The following STX11 variants were observed in gnomAD, a reference collection of about 807,000 sequenced individuals.
STX11 encodes the protein syntaxin 11.
Under a neutral mutation model 19.9 loss-of-function variants are expected in STX11, and 21 were observed. The observed-to-expected ratio is 1.06, with a 90% CI of 0.75 to 1.52. The LOEUF is 1.52. Among genes scored for constraint, STX11 ranks in the 40% most tolerant of loss-of-function variants. The probability of loss-of-function intolerance (pLI) is 0.00; values close to 1 mark genes in which losing one functional copy is unlikely to be tolerated. For synonymous variants in STX11, 193 were observed against 174.4 expected (o/e 1.11, Z -0.84); for missense variants, 438 against 405.9 (o/e 1.08, Z -0.68).
chr6:144,153,221 T>C lies in STX11; in HGVS notation c.-6+2518T>C, dbSNP rs1477348888. Among the ~76,000 whole-genome samples the C allele has an allele frequency of 6.6e-6, 1 of 152,200 alleles. No homozygotes were observed. The highest frequency in any genetic ancestry group is 1.5e-5 in the Non-Finnish European group (1 of 68,024). ...TTAATTTCCAAACTTTATTCCTCCT[T>C]TGAGAGCCCTAAAGTTACTTTTTCT... On this transcript the variant is annotated intron_variant, in intron 1 of 1. Coordinates refer to ENST00000367568, the MANE Select transcript of STX11 (RefSeq NM_003764.4). The surrounding 1 kb of genome is among the most constrained non-coding windows in gnomAD (Gnocchi z 5.0).
intron 1 of STX11, among the ~76,000 whole-genome samples, chr6:144,161,805 A>T (rs568285293): frequency 6.6e-6 from 1 of 152,190 alleles, no homozygotes; most frequent in Non-Finnish European, 1.5e-5. Flanking sequence ...TTTCATTCGT[A>T]GGATGTTTTC....
chr6:144,174,896 G>T lies in STX11; in HGVS notation c.-5-11727G>T, dbSNP rs1353612378. ...ATCTGTAATTACAGCACTTTGGGAGGTTGAGGCAGAGGGGATCACTTGTGC... is the reference window on the plus strand; with the variant it reads ...ATCTGTAATTACAGCACTTTGGGAGTTTGAGGCAGAGGGGATCACTTGTGC... On this transcript the variant is annotated intron_variant, in intron 1 of 1. Coordinates refer to ENST00000367568, the MANE Select transcript of STX11 (RefSeq NM_003764.4). This position sits in a 1 kb window ranked among gnomAD's most constrained non-coding sequence, Gnocchi z 5.3. Among the ~76,000 whole-genome samples, 2 of 152,142 alleles carry T rather than the reference G, an allele frequency of 1.3e-5. No homozygotes were observed. The highest frequency in any genetic ancestry group is 3.9e-4 in the East Asian group (2 of 5,188).
At position 144,156,004 on chromosome 6, in the gene STX11, T is replaced by C. The variant is rs5880583; in HGVS notation, c.-6+5301T>C. 7.2e-3 allele frequency among the ~76,000 whole-genome samples: 726 copies of C among 101,530 alleles called. 22 individuals are homozygous for C. Among genetic ancestry groups the C allele is most frequent in the African/African-American group, 0.031 (622 of 20,002 alleles). The allele number at this position is 101,530 out of a possible 152,430, so 66.6% of individuals were successfully genotyped here. On this transcript the variant is annotated intron_variant, in intron 1 of 1. Transcript: ENST00000367568. ...TTTCTTTCTTTCTTTCTTTCTTTCTTTCTTTCTTTCTCTCTTTCTCTCCTT... is the reference window on the plus strand; with the variant it reads ...TTTCTTTCTTTCTTTCTTTCTTTCTCTCTTTCTTTCTCTCTTTCTCTCCTT...
chr6:144,142,491 A>C, the STX11 span, among the ~76,000 whole-genome samples: 13 of 152,324 alleles, frequency 8.5e-5, 1 homozygote, highest in East Asian at 2.5e-3. Flanking sequence ...AAATATTTAA[A>C]ACTTTAACAA....
chr6:144,148,842 G>A (rs1314886345), upstream of STX11, among the ~76,000 whole-genome samples: 1 of 152,170 alleles, frequency 6.6e-6, no homozygotes, highest in Non-Finnish European at 1.5e-5. Context: ...CAATCCTCTC[G>A]CTTCAGCCTC....
At chr6:144,156,008 TTCTTTCTC>T (rs1801144062) in intron 1 of STX11, among the ~76,000 whole-genome samples, 21 of 94,836 alleles carry the variant, frequency 2.2e-4, no homozygotes, top group South Asian at 9.2e-4. Flanking sequence ...CTTTCTTTCT[TTCTTTCTC>T]TCTTTCTCTC....
rs1212222997 is a variant in STX11 at position 144,175,497 on chromosome 6, G to A, written c.-5-11126G>A. Among the ~76,000 whole-genome samples the A allele has an allele frequency of 6.6e-6, 1 of 151,996 alleles. No individual in the cohort carries two copies. Among genetic ancestry groups the A allele is most frequent in the East Asian group, 1.9e-4 (1 of 5,196 alleles). ...GATTTTTGTATTTTCAGTAGAGATG[G>A]GGTTTCACCATGTTGACCAGGCTGG... is the stretch of plus-strand genomic sequence containing the variant. On this transcript the variant is annotated intron_variant, in intron 1 of 1. Coordinates refer to ENST00000367568, the MANE Select transcript of STX11 (RefSeq NM_003764.4). This position sits in a 1 kb window ranked among gnomAD's most constrained non-coding sequence, Gnocchi z 5.1.
At chr6:144,163,159 A>C (rs1801386321) in intron 1 of STX11, among the ~76,000 whole-genome samples, 1 of 152,244 alleles carries the variant, frequency 6.6e-6, no homozygotes, top group African/African-American at 2.4e-5. Context: ...AACCTCTGTC[A>C]GATAGTCGAT....
chr6:144,159,923 C>G lies in STX11; in HGVS notation c.-6+9220C>G, dbSNP rs1801290380. Among the ~76,000 whole-genome samples, 3 of 152,100 alleles carry G rather than the reference C, an allele frequency of 2.0e-5. No individual in the cohort carries two copies. Among genetic ancestry groups the G allele is most frequent in the Admixed American group, 2.0e-4 (3 of 15,258 alleles). On this transcript the variant is annotated intron_variant, in intron 1 of 1. Transcript: ENST00000367568. The surrounding 1 kb of genome is among the most constrained non-coding windows in gnomAD (Gnocchi z 4.3). ...ATGCCCTGGGTGAAGAGGCCACAACCCCAGTGTTGCAATTTGCAACCTCCA... is the reference window on the plus strand; with the variant it reads ...ATGCCCTGGGTGAAGAGGCCACAACGCCAGTGTTGCAATTTGCAACCTCCA...
rs6900641 is a variant in STX11 at position 144,162,370 on chromosome 6, A to T, written c.-6+11667A>T. ...CAATTATCATTTATCCATTTGCTTC[A>T]TAATTTCCAACATTGTGTTGCTGTT... On this transcript the variant is annotated intron_variant, in intron 1 of 1. Transcript: ENST00000367568. The surrounding 1 kb of genome is among the most constrained non-coding windows in gnomAD (Gnocchi z 4.6). 0.026 allele frequency among the ~76,000 whole-genome samples: 4,031 copies of T among 152,340 alleles called. 203 individuals carry two copies. Among genetic ancestry groups the T allele is most frequent in the African/African-American group, 0.093 (3,854 of 41,570 alleles).
At chr6:144,156,266 G>T (rs568417216) in intron 1 of STX11, among the ~76,000 whole-genome samples, 231 of 152,046 alleles carry the variant, frequency 1.5e-3, no homozygotes, top group South Asian at 0.013. Context: ...ATTTCTCCAT[G>T]TTGGTCAGGC....
In STX11 at chr6:144,186,873, C is replaced by G; in HGVS notation, c.246C>G (p.Ile82Met). Residue 82 changes from isoleucine to methionine, a missense_variant, in exon 2 of 2, where the codon ATC becomes ATG. By Grantham distance (10) the Ile-to-Met change is conservative. Coordinates refer to ENST00000367568, the MANE Select transcript of STX11 (RefSeq NM_003764.4). ...FLTSMRRLSS[I>M]KRDTNSIAKA... The stretch of plus-strand genomic sequence containing the variant: ...CGTCCATGCGGCGCCTCAGCAGCAT[C>G]AAGCGCGACACCAACTCCATCGCCA... 7 of 1,612,672 alleles carry G rather than the reference C, an allele frequency of 4.3e-6. No individual in the cohort carries two copies. The highest frequency in any genetic ancestry group is 5.9e-6 in the Non-Finnish European group (7 of 1,180,010).
rs1050757965 is a variant in STX11, at chr6:144,182,279, C to T, written c.-5-4344C>T. 3.3e-5 allele frequency among the ~76,000 whole-genome samples: 5 copies of T among 152,148 alleles called. No homozygotes were observed. Among genetic ancestry groups the T allele is most frequent in the Non-Finnish European group, 4.4e-5 (3 of 68,022 alleles). ...ACATTCTTAGGAATAGCAGTCTCTT[C>T]GTTGACTTTCTGTTGTAGTTTTCCT... On this transcript the variant is annotated intron_variant, in intron 1 of 1. Coordinates refer to ENST00000367568, the MANE Select transcript of STX11 (RefSeq NM_003764.4). The surrounding 1 kb of genome is among the most constrained non-coding windows in gnomAD (Gnocchi z 4.8).
Position 144,169,422 on chromosome 6 carries a change from T to C in STX11, c.-5-17201T>C, listed in dbSNP as rs1445247316. The stretch of plus-strand genomic sequence containing the variant: ...ACATCTTTGAAAATTTGATGCTGTG[T>C]CTTTTCTAAAATTTCCGTAACCAGC... On this transcript the variant is annotated intron_variant, in intron 1 of 1. Coordinates refer to ENST00000367568, the MANE Select transcript of STX11 (RefSeq NM_003764.4). This position sits in a 1 kb window ranked among gnomAD's most constrained non-coding sequence, Gnocchi z 5.2. Among the ~76,000 whole-genome samples, 2 of 152,196 alleles carry C rather than the reference T, an allele frequency of 1.3e-5. No homozygotes were observed. The highest frequency in any genetic ancestry group is 4.8e-5 in the African/African-American group (2 of 41,460).
In STX11 at chr6:144,189,325, T is replaced by C. The variant is rs955425165; in HGVS notation, c.*1834T>C. ...GCCTGAGCCACTGACCCTGGCCAAA[T>C]TTTTTTTCTACTAGCTACTGAGGCT... On this transcript the variant is annotated 3_prime_UTR_variant, in exon 2 of 2. Coordinates refer to ENST00000367568, the MANE Select transcript of STX11 (RefSeq NM_003764.4). Among the ~76,000 whole-genome samples the C allele has an allele frequency of 2.6e-5, 4 of 152,024 alleles. No individual in the cohort carries two copies. The highest frequency in any genetic ancestry group is 5.9e-5 in the Non-Finnish European group (4 of 67,984).
At chr6:144,166,359 T>C (rs1340435172) in intron 1 of STX11, among the ~76,000 whole-genome samples, 1 of 152,200 alleles carries the variant, frequency 6.6e-6, no homozygotes, top group East Asian at 1.9e-4. Context: ...TTGGCTTAGA[T>C]GCTTCAAGAT....
rs940277163 is a variant in STX11 at position 144,152,190 on chromosome 6, G to A, written c.-6+1487G>A. Among the ~76,000 whole-genome samples the A allele has an allele frequency of 5.3e-5, 8 of 152,308 alleles. No homozygotes were observed. The highest frequency in any genetic ancestry group is 3.9e-4 in the East Asian group (2 of 5,194). On this transcript the variant is annotated intron_variant, in intron 1 of 1. Coordinates refer to ENST00000367568, the MANE Select transcript of STX11 (RefSeq NM_003764.4). The surrounding 1 kb of genome is among the most constrained non-coding windows in gnomAD (Gnocchi z 4.9). ...AGATTATCACCCCTAGATAATTGCGGTCACGATTAGTTGATAGTGTGACTT... is the reference window on the plus strand; with the variant it reads ...AGATTATCACCCCTAGATAATTGCGATCACGATTAGTTGATAGTGTGACTT...
upstream of STX11, among the ~76,000 whole-genome samples, chr6:144,146,342 G>A (rs1223494871): frequency 6.6e-6 from 1 of 152,218 alleles, no homozygotes; most frequent in East Asian, 1.9e-4. The surrounding 1 kb of genome is among the most constrained non-coding windows in gnomAD (Gnocchi z 4.4). Context: ...CTGGAAGGGA[G>A]AGCCAAGGTC....
In STX11 at chr6:144,187,545, G is replaced by A. The variant is rs886335769; in HGVS notation, c.*54G>A. The A allele has an allele frequency of 6.8e-6, 11 of 1,609,376 alleles. No individual in the cohort carries two copies. The highest frequency in any genetic ancestry group is 2.2e-4 in the Middle Eastern group (1 of 4,598). On this transcript the variant is annotated 3_prime_UTR_variant, in exon 2 of 2. Transcript: ENST00000367568. The surrounding 1 kb of genome is among the most constrained non-coding windows in gnomAD (Gnocchi z 5.6). Reference sequence around the variant, plus strand: ...CCCAGACCATGGAGCGCGCTGGGAAGGACGCACCAAAGCCGGGAGCTCTGC... The same window carrying A: ...CCCAGACCATGGAGCGCGCTGGGAAAGACGCACCAAAGCCGGGAGCTCTGC...
Sources: allele counts gnomAD v4.1 joint callset (sites outside exome capture counted in the v4.1 genomes callset), GRCh38; gene constraint gnomAD v4.1.1; non-coding constraint Gnocchi (gnomAD v3.1); transcripts MANE v1.5; gene names NCBI Gene and HGNC (gene_info 2026-07-23, HGNC 2026-07-21).